Variants in ASPH observed in about 807,000 individuals in gnomAD.
ASPH encodes the protein aspartate beta-hydroxylase, also known as aspartyl/asparaginyl beta-hydroxylase.
In ASPH, 100 loss-of-function variants were observed where a neutral mutation model predicts 118.4. That is an observed-to-expected ratio of 0.84 (90% CI 0.72 to 1.00). ASPH has a LOEUF of 1.00. Ranked by LOEUF, ASPH falls within the 50% of genes least tolerant of loss-of-function variation. The pLI, the probability that ASPH is intolerant of heterozygous loss-of-function variation, is 0.00. For synonymous variants in ASPH, 315 were observed against 325.6 expected (o/e 0.97, Z 0.35); for missense variants, 920 against 919.5 (o/e 1.00, Z -0.01).
intron 13 of ASPH, chr8:61,625,029 A>T: frequency 1.0e-6 from 1 of 985,738 alleles, no homozygotes; most frequent in Non-Finnish European, 1.2e-6. Flanking sequence ...TTAATCCTAA[A>T]AGCAGGGGGA....
intron 24 of ASPH, among the ~76,000 whole-genome samples, chr8:61,514,564 C>A (rs1262290163): frequency 2.6e-5 from 4 of 152,034 alleles, no homozygotes; most frequent in African/African-American, 9.7e-5. Flanking sequence ...AGAAAATTAG[C>A]CAGGTGTGGT....
At chr8:61,693,089 C>T (rs576188651) in intron 1 of ASPH, among the ~76,000 whole-genome samples, 19 of 152,184 alleles carry the variant, frequency 1.2e-4, no homozygotes, top group Admixed American at 6.5e-5. Flanking sequence ...GACTTTCCCA[C>T]TCCCACCCCA....
At chr8:61,636,199 G>C (rs564673443) in intron 12 of ASPH, among the ~76,000 whole-genome samples, 140 of 152,280 alleles carry the variant, frequency 9.2e-4, no homozygotes, top group African/African-American at 3.2e-3. Flanking sequence ...TGAAAGATGG[G>C]TTTGGAGGGG....
chr8:61,551,504 C>T (rs1027804983), intron 20 of ASPH, among the ~76,000 whole-genome samples: 2 of 152,176 alleles, frequency 1.3e-5, no homozygotes, highest in South Asian at 4.1e-4. Flanking sequence ...AAGAACTGTG[C>T]TGTTCTTTGC....
chr8:61,684,427 A>T, intron 1 of ASPH: 1 of 437,834 alleles, frequency 2.3e-6, no homozygotes, highest in South Asian at 4.1e-5. Context: ...TTTTTTAAAG[A>T]TTTAGTATAA....
At chr8:61,539,699 G>GGGGT (rs1554618405) in intron 21 of ASPH, among the ~76,000 whole-genome samples, 17 of 124,214 alleles carry the variant, frequency 1.4e-4, no homozygotes, top group Non-Finnish European at 5.2e-5. Context: ...ACACTTCTGG[G>GGGGT]GTGTGTGTGT....
At chr8:61,574,991 T>C (rs1834666779) in intron 16 of ASPH, among the ~76,000 whole-genome samples, 1 of 152,168 alleles carries the variant, frequency 6.6e-6, no homozygotes, top group Non-Finnish European at 1.5e-5. Flanking sequence ...TCCTCAGGCT[T>C]ATCCCAAGAT....
intron 3 of ASPH, 167 bp downstream of exon 3, chr8:61,680,801 G>A (rs1244980096): frequency 2.2e-6 from 1 of 462,590 alleles, no homozygotes; most frequent in Non-Finnish European, 3.8e-6. Context: ...ACATGAAAGA[G>A]TGTGGAAAAA....
Position 61,662,672 on chromosome 8 carries a change from G to GAA in ASPH, c.323-9014_323-9013dup. 3 of 232,498 alleles carry GAA rather than the reference G, an allele frequency of 1.3e-5. 1 individual carries two copies. In the Admixed American group the frequency reaches 2.0e-4, roughly 15 times the overall value. The allele number at this position is 232,498 out of a possible 1,614,324, so 14.4% of individuals were successfully genotyped here. The stretch of plus-strand genomic sequence containing the variant: ...TAGTTGAAACATTTACAAAAAGAAA[G>GAA]AAAAGAGAAGGGGAAAAGAAGAGAG... On this transcript the variant is annotated intron_variant, in intron 3 of 24. Coordinates refer to ENST00000379454, the MANE Select transcript of ASPH (RefSeq NM_004318.4).
chr8:61,535,005 C>T (rs978123049), intron 21 of ASPH, among the ~76,000 whole-genome samples: 1 of 152,200 alleles, frequency 6.6e-6, no homozygotes, highest in Non-Finnish European at 1.5e-5. Context: ...ATTTCCTTGG[C>T]GGACATGCAT....
chr8:61,711,254 A>T (rs1480797609), intron 1 of ASPH, among the ~76,000 whole-genome samples: 1 of 152,168 alleles, frequency 6.6e-6, no homozygotes, highest in Non-Finnish European at 1.5e-5. Context: ...TGATACTCAA[A>T]AGGGAAAAAC....
At chr8:61,634,819 T>C (rs984447489) in intron 12 of ASPH, among the ~76,000 whole-genome samples, 2 of 152,236 alleles carry the variant, frequency 1.3e-5, no homozygotes, top group African/African-American at 4.8e-5. Context: ...CATAAAGTAT[T>C]AGTTGCTGCT....
intron 21 of ASPH, among the ~76,000 whole-genome samples, chr8:61,529,288 G>C (rs1382113154): frequency 6.6e-6 from 1 of 152,192 alleles, no homozygotes; most frequent in Non-Finnish European, 1.5e-5. Flanking sequence ...CAGCCTCCTG[G>C]TCTCAGAGAT....
At chr8:61,697,544 T>C (rs1834215758) in intron 1 of ASPH, among the ~76,000 whole-genome samples, 1 of 152,082 alleles carries the variant, frequency 6.6e-6, no homozygotes, top group Admixed American at 6.5e-5. Flanking sequence ...AAGTAGTAGG[T>C]TGTCACCTAT....
At chr8:61,541,401 G>C (rs1821926197) in intron 21 of ASPH, among the ~76,000 whole-genome samples, 1 of 152,178 alleles carries the variant, frequency 6.6e-6, no homozygotes, top group South Asian at 2.1e-4. Flanking sequence ...GTAGTTAAAA[G>C]TCACTCAAGG....
At chr8:61,578,993 C>A (rs1836408680) in intron 15 of ASPH, 1 of 1,610,182 alleles carries the variant, frequency 6.2e-7, no homozygotes, top group African/African-American at 1.3e-5. Context: ...ACATGGACAG[C>A]ATCATTGCTG....
At position 61,576,930 on chromosome 8, in the gene ASPH, T is replaced by C. The variant is rs1835346677; in HGVS notation, c.1063-72A>G. ...AATCAATCAATATTGTTATTTAATA[T>C]TCAGCAAGTGGTTTTGTCAGAGTTT... On this transcript the variant is annotated intron_variant, in intron 15 of 24. Transcript: ENST00000379454. 6 of 1,309,444 alleles carry C rather than the reference T, an allele frequency of 4.6e-6. No homozygotes were observed. The South Asian group carries it at 5.8e-5, about 13-fold the overall frequency. 81.1% of individuals were successfully genotyped at this position (1,309,444 alleles called of 1,614,324 possible).
chr8:61,665,227 T>C (rs776444692), intron 3 of ASPH: 1 of 1,554,784 alleles, frequency 6.4e-7, no homozygotes, highest in Non-Finnish European at 8.6e-7. Flanking sequence ...CATGACCATG[T>C]TCTGGGATGA....
At chr8:61,611,421 T>A (rs1343895354) in intron 14 of ASPH, among the ~76,000 whole-genome samples, 4 of 151,926 alleles carry the variant, frequency 2.6e-5, no homozygotes, top group Non-Finnish European at 5.9e-5. Context: ...ACAGGTCAGC[T>A]TTATTCAATA....
Sources: gnomAD v4.1 joint callset for allele counts (sites outside exome capture counted in the v4.1 genomes callset) on GRCh38, gnomAD v4.1.1 for gene constraint, MANE v1.5 for transcripts, NCBI Gene and HGNC (gene_info 2026-07-23, HGNC 2026-07-21) for gene names.